DENND1B: variants seen among roughly 807,000 people sequenced by gnomAD.
The protein encoded by DENND1B is DENN domain-containing protein 1B.
A neutral mutation model predicts 90.1 loss-of-function variants in DENND1B; 59 were observed. That is an observed-to-expected ratio of 0.65 (90% confidence interval 0.53 to 0.81). The LOEUF is 0.81. DENND1B is among the 40% of genes least tolerant of loss of function. The probability of loss-of-function intolerance (pLI) is 0.00; values close to 1 mark genes in which losing one functional copy is unlikely to be tolerated. For missense variants in DENND1B, 862 were observed against 912.6 expected, an observed-to-expected ratio of 0.94 and a Z score of 0.71; for synonymous variants, 337 against 324.6, an observed-to-expected ratio of 1.04 and a Z score of -0.41.
chr1:197,616,376 G>A (rs1027407027), intron 11 of DENND1B, among the ~76,000 whole-genome samples: 5 of 150,872 alleles, frequency 3.3e-5, no homozygotes, highest in Non-Finnish European at 7.4e-5. Context: ...ATAACAAAGG[G>A]CCTATTTATT....
chr1:197,524,319 A>G (rs1364100320), intron 20 of DENND1B, among the ~76,000 whole-genome samples: 1 of 152,166 alleles, frequency 6.6e-6, no homozygotes, highest in Non-Finnish European at 1.5e-5. Context: ...TGGAAGAACA[A>G]ATTCTGTCAC....
In DENND1B at chr1:197,595,316, A is replaced by T. The variant is rs747814356; in HGVS notation, c.939T>A (p.Asn313Lys). 8 of 1,612,730 alleles carry T rather than the reference A, an allele frequency of 5.0e-6. No homozygotes were observed. The Admixed American group carries it at 1.3e-4, about 27-fold the overall frequency. The change falls in exon 14 of 23, where the codon AAT becomes AAA. Residue 313 changes from asparagine (N) to lysine (K), a missense_variant. By Grantham distance (94) the Asn-to-Lys change is moderately conservative (BLOSUM62 0). Transcript: ENST00000620048. ...TAGCTGTAGACTGCTTCTTCAGTTT[A>T]TTTTTCAAGGCCGAGACCTGCATGA... is the stretch of plus-strand genomic sequence containing the variant. Reference protein sequence around the residue: ...LPSDVVSALKNKLKKQSTATG... With the variant: ...LPSDVVSALKKKLKKQSTATG...
intron 2 of DENND1B, among the ~76,000 whole-genome samples, chr1:197,754,479 G>A (rs1306008975): frequency 6.6e-6 from 1 of 151,940 alleles, no homozygotes; most frequent in Non-Finnish European, 1.5e-5. Context: ...TTGAGGCCAG[G>A]AGTTCCAGCC....
At chr1:197,545,749 C>A in intron 18 of DENND1B, 173 bp downstream of exon 18, 1 of 545,988 alleles carries the variant, frequency 1.8e-6, no homozygotes. Flanking sequence ...CTACCCTCTG[C>A]ATGCAATGTT....
chr1:197,763,928 T>C (rs1164550700), intron 2 of DENND1B, among the ~76,000 whole-genome samples: 1 of 152,232 alleles, frequency 6.6e-6, no homozygotes, highest in Admixed American at 6.5e-5. Flanking sequence ...GCATGACGCA[T>C]AACTGGCACT....
At chr1:197,762,374 C>T (rs1411020741) in intron 2 of DENND1B, among the ~76,000 whole-genome samples, 2 of 152,148 alleles carry the variant, frequency 1.3e-5, no homozygotes, top group East Asian at 3.9e-4. Context: ...TCACGCCATC[C>T]TCCTGCCTCA....
chr1:197,565,959 T>C (rs1672621594), intron 15 of DENND1B, among the ~76,000 whole-genome samples: 1 of 151,482 alleles, frequency 6.6e-6, no homozygotes, highest in Non-Finnish European at 1.5e-5. Flanking sequence ...TATGTGTGCA[T>C]GTGTCTTTAT....
intron 10 of DENND1B, among the ~76,000 whole-genome samples, chr1:197,634,308 T>G (rs1321329443): frequency 6.6e-6 from 1 of 152,212 alleles, no homozygotes; most frequent in Non-Finnish European, 1.5e-5. Context: ...AATTACTATG[T>G]AATTTCTCTT....
chr1:197,751,305 T>C (rs1025187068), intron 2 of DENND1B, among the ~76,000 whole-genome samples: 1 of 152,138 alleles, frequency 6.6e-6, no homozygotes, highest in Non-Finnish European at 1.5e-5. Context: ...ATCTGGAAAG[T>C]AAGCACTTCA....
chr1:197,702,613 A>G (rs756840925), intron 3 of DENND1B, among the ~76,000 whole-genome samples: 1 of 152,238 alleles, frequency 6.6e-6, no homozygotes, highest in African/African-American at 2.4e-5. Context: ...TACTAAGCAC[A>G]ATTTGTCTAT....
intron 2 of DENND1B, among the ~76,000 whole-genome samples, chr1:197,748,593 G>GA (rs1653031171): frequency 6.6e-6 from 1 of 152,132 alleles, no homozygotes; most frequent in Admixed American, 6.6e-5. Flanking sequence ...GGACAAACTA[G>GA]GAAAAAGACT....
intron 10 of DENND1B, among the ~76,000 whole-genome samples, chr1:197,623,365 A>G (rs1678348016): frequency 6.6e-6 from 1 of 151,484 alleles, no homozygotes; most frequent in African/African-American, 2.4e-5. Flanking sequence ...CCATAAAGAA[A>G]AAAACTGTTT....
Position 197,512,912 on chromosome 1 carries a change from TA to T in DENND1B, c.1556del (p.Leu519HisfsTer39). The T allele has an allele frequency of 6.2e-7, 1 of 1,610,770 alleles. No individual in the cohort carries two copies. The highest frequency in any genetic ancestry group is 8.5e-7 in the Non-Finnish European group (1 of 1,178,022). The part of the protein sequence containing the change: ...KRPLKSLDGA[L>X]YDDEDDDDIE... Reference sequence around the variant, plus strand: ...TGTCATCATCATCTTCATCATCATATAGAGCACCATCAAGGCTCTTAAGAGG... The same window carrying T: ...TGTCATCATCATCTTCATCATCATATGAGCACCATCAAGGCTCTTAAGAGG... On this transcript the variant is annotated frameshift_variant, in exon 21 of 23. Coordinates refer to ENST00000620048, the MANE Select transcript of DENND1B (RefSeq NM_001195215.2). LOFTEE classifies it high-confidence loss of function.
intron 2 of DENND1B, among the ~76,000 whole-genome samples, chr1:197,724,482 C>T (rs1661452767): frequency 6.6e-6 from 1 of 152,050 alleles, no homozygotes; most frequent in Non-Finnish European, 1.5e-5. Flanking sequence ...GATCCTGTCA[C>T]CCTAAAGAGA....
At chr1:197,571,117 C>T (rs1673113383) in intron 15 of DENND1B, among the ~76,000 whole-genome samples, 1 of 152,086 alleles carries the variant, frequency 6.6e-6, no homozygotes, top group Admixed American at 6.6e-5. Context: ...TTGTTTACTA[C>T]CACCATCACT....
intron 3 of DENND1B, among the ~76,000 whole-genome samples, chr1:197,701,623 C>T (rs921362838): frequency 6.6e-6 from 1 of 151,894 alleles, no homozygotes; most frequent in African/African-American, 2.4e-5. Flanking sequence ...GAACAGCTCA[C>T]ATCTGATTCC....
Position 197,656,085 on chromosome 1 carries a change from A to T in DENND1B, c.366+2215T>A, listed in dbSNP as rs574802715. Among the ~76,000 whole-genome samples, 7 of 152,286 alleles carry T rather than the reference A, an allele frequency of 4.6e-5. No individual in the cohort carries two copies. The South Asian group carries it at 1.5e-3, about 32-fold the overall frequency. ...AAGAAAAAGAGGAGACTATGAAGCG[A>T]TTGTAAGCAGTGGAATAAAATCAGT... is the stretch of plus-strand genomic sequence containing the variant. On this transcript the variant is annotated intron_variant, in intron 6 of 22. Transcript: ENST00000620048.
chr1:197,657,808 CATAGCTATATTATTCACA>C (rs1654001797), intron 6 of DENND1B, among the ~76,000 whole-genome samples: 1 of 152,088 alleles, frequency 6.6e-6, no homozygotes, highest in Non-Finnish European at 1.5e-5. Flanking sequence ...CAAACATTTT[CATAGCTATATTATTCACA>C]ATAGCCAAAA....
chr1:197,631,746 CTATA>C (rs1193291466), intron 10 of DENND1B, among the ~76,000 whole-genome samples: 1 of 151,522 alleles, frequency 6.6e-6, no homozygotes, highest in Non-Finnish European at 1.5e-5. Context: ...GTTAAAATTA[CTATA>C]TATAACCTTT....
Sources: gnomAD v4.1 joint callset for allele counts (sites outside exome capture counted in the v4.1 genomes callset) on GRCh38, gnomAD v4.1.1 for gene constraint, MANE v1.5 for transcripts, NCBI Gene and HGNC (gene_info 2026-07-23, HGNC 2026-07-21) for gene names.